Variants in VWA8 observed in about 807,000 individuals in gnomAD.
VWA8 encodes the protein von Willebrand factor A domain containing 8.
A neutral mutation model predicts 241.5 loss-of-function variants in VWA8; 221 were observed. The observed-to-expected ratio is 0.91, with a 90% CI of 0.82 to 1.02. VWA8 has a LOEUF of 1.02. Ranked by LOEUF, VWA8 falls within the 50% of genes least tolerant of loss-of-function variation. VWA8 has a pLI of 0.00. For synonymous variants in VWA8, 852 were observed against 827.1 expected (o/e 1.03, Z -0.52); for missense variants, 2,322 against 2,328.7 (o/e 1.00, Z 0.06).
At chr13:41,875,579 T>C (rs1270770882) in intron 9 of VWA8, among the ~76,000 whole-genome samples, 2 of 152,044 alleles carry the variant, frequency 1.3e-5, no homozygotes, top group Admixed American at 6.6e-5. Context: ...CCCACCACTC[T>C]ACTAACACTG....
intron 43 of VWA8, among the ~76,000 whole-genome samples, chr13:41,571,532 T>A (rs1368592935): frequency 2.0e-5 from 3 of 152,158 alleles, no homozygotes; most frequent in Non-Finnish European, 4.4e-5. Context: ...CATTTTTTGG[T>A]GGAGACGGGG....
intron 21 of VWA8, among the ~76,000 whole-genome samples, chr13:41,732,573 T>A (rs1051387942): frequency 2.6e-5 from 4 of 151,820 alleles, no homozygotes; most frequent in African/African-American, 9.7e-5. Context: ...CATGCTGACA[T>A]GGACAATTAA....
chr13:41,912,556 C>G (rs1197344693), intron 2 of VWA8, among the ~76,000 whole-genome samples: 1 of 152,020 alleles, frequency 6.6e-6, no homozygotes, highest in Non-Finnish European at 1.5e-5. Context: ...TTTGATTAAT[C>G]ACAATTTTAT....
intron 17 of VWA8, among the ~76,000 whole-genome samples, chr13:41,796,341 TAATG>T (rs1869701675): frequency 6.6e-6 from 1 of 152,178 alleles, no homozygotes; most frequent in Admixed American, 6.5e-5. Flanking sequence ...TGGTCTTTTT[TAATG>T]AAATTTTTTA....
chr13:41,628,481 T>C (rs1424722548), intron 37 of VWA8, among the ~76,000 whole-genome samples: 1 of 152,212 alleles, frequency 6.6e-6, no homozygotes, highest in African/African-American at 2.4e-5. Flanking sequence ...AATGTGCATG[T>C]ATGCTTATTG....
At chr13:41,920,155 C>T (rs1247700421) in intron 2 of VWA8, among the ~76,000 whole-genome samples, 1 of 152,158 alleles carries the variant, frequency 6.6e-6, no homozygotes, top group African/African-American at 2.4e-5. Context: ...ACCATCCCAG[C>T]ATCAAGAGTA....
At position 41,568,280 on chromosome 13, in the gene VWA8, G is replaced by T. The variant is rs576123636; in HGVS notation, c.5635C>A (p.Arg1879=). 21 of 1,614,114 alleles carry T rather than the reference G, an allele frequency of 1.3e-5. No homozygotes were observed. The highest frequency in any genetic ancestry group is 1.6e-4 in the Middle Eastern group (1 of 6,062). The part of the protein sequence containing the change: ...TRLQRTLPAG[R]SFVAMDTKDI... The stretch of plus-strand genomic sequence containing the variant: ...TTGGTATCCATGGCAACGAAAGACC[G>T]ACCAGCTGGTAAAGTTCTCTGAAGC... Residue 1879 remains arginine, a synonymous_variant, in exon 45 of 45, where the codon CGG becomes AGG. Transcript: ENST00000379310.
At chr13:41,783,996 T>C (rs1566455896) in intron 18 of VWA8, 95 bp from the exon 19 acceptor site, 7 of 824,500 alleles carry the variant, frequency 8.5e-6, no homozygotes, top group Non-Finnish European at 1.4e-5. Flanking sequence ...TTCAGTAATA[T>C]CTGTGGATTT....
At chr13:41,945,478 C>T (rs1469988883) in intron 2 of VWA8, among the ~76,000 whole-genome samples, 5 of 152,084 alleles carry the variant, frequency 3.3e-5, no homozygotes, top group Non-Finnish European at 5.9e-5. Flanking sequence ...TAGAAAAACA[C>T]TTTAAATCAG....
chr13:41,606,112 G>C (rs894573296), intron 39 of VWA8, among the ~76,000 whole-genome samples: 1 of 151,910 alleles, frequency 6.6e-6, no homozygotes, highest in Non-Finnish European at 1.5e-5. Flanking sequence ...TCTGATCCCC[G>C]GGTCTTTCTT....
At chr13:41,685,965 T>C (rs955535943) in intron 34 of VWA8, among the ~76,000 whole-genome samples, 7 of 152,214 alleles carry the variant, frequency 4.6e-5, no homozygotes, top group Non-Finnish European at 7.3e-5. Flanking sequence ...TAAGGCTTTA[T>C]CTTTCATAGT....
chr13:41,660,788 T>G (rs1388945153), intron 37 of VWA8, among the ~76,000 whole-genome samples: 3 of 152,130 alleles, frequency 2.0e-5, no homozygotes, highest in African/African-American at 7.2e-5. Context: ...ACATAGAAAT[T>G]TTGCAACACT....
intron 37 of VWA8, among the ~76,000 whole-genome samples, chr13:41,655,496 AG>A (rs2044898144): frequency 7.4e-6 from 1 of 135,382 alleles, no homozygotes; most frequent in Non-Finnish European, 1.6e-5. Flanking sequence ...AGACAGAGAG[AG>A]AGAGAGAGAG....
intron 21 of VWA8, among the ~76,000 whole-genome samples, chr13:41,733,229 A>G (rs987336702): frequency 6.6e-6 from 1 of 152,252 alleles, no homozygotes; most frequent in Non-Finnish European, 1.5e-5. Context: ...AGGAATAAAT[A>G]GCACTTGACA....
intron 22 of VWA8, among the ~76,000 whole-genome samples, chr13:41,731,056 A>T (rs1029012235): frequency 1.3e-5 from 2 of 150,940 alleles, no homozygotes; most frequent in African/African-American, 4.8e-5. Context: ...AAATAAAATA[A>T]AATAAATAAA....
chr13:41,783,278 T>G (rs1450512391), intron 19 of VWA8, among the ~76,000 whole-genome samples: 1 of 150,352 alleles, frequency 6.7e-6, no homozygotes, highest in African/African-American at 2.4e-5. Flanking sequence ...ACCCTAATCA[T>G]AGCAACCATT....
intron 34 of VWA8, among the ~76,000 whole-genome samples, chr13:41,685,738 C>T (rs2045132051): frequency 6.6e-6 from 1 of 151,954 alleles, no homozygotes. Flanking sequence ...ATAAAGTAAA[C>T]ATCTATACAT....
At chr13:41,897,412 T>C (rs1305815243) in intron 4 of VWA8, among the ~76,000 whole-genome samples, 1 of 152,094 alleles carries the variant, frequency 6.6e-6, no homozygotes, top group Non-Finnish European at 1.5e-5. Flanking sequence ...TGGATGTTGA[T>C]GAGGATGTGG....
rs1223696270 is a variant in VWA8 at position 41,727,267 on chromosome 13, A to T, written c.2685T>A (p.Pro895=). 4 of 1,560,304 alleles carry T rather than the reference A, an allele frequency of 2.6e-6. No individual in the cohort carries two copies. The African/African-American group carries it at 4.1e-5, about 16-fold the overall frequency. ...NGRENVVVIH[P]DFRMIVLANR... is the part of the protein sequence containing the mutation. ...TTGCCAGAACAATCATCCTAAAATC[A>T]GGATGAATCACTACAACATTTTCTC... The change falls in exon 24 of 45, where the codon CCT becomes CCA. Residue 895 remains proline, a synonymous_variant. Transcript: ENST00000379310.
Sources: allele counts gnomAD v4.1 joint callset (sites outside exome capture counted in the v4.1 genomes callset), GRCh38; gene constraint gnomAD v4.1.1; transcripts MANE v1.5; gene names NCBI Gene and HGNC (gene_info 2026-07-23, HGNC 2026-07-21).